The following SPOCK3 variants were observed in gnomAD, a reference collection of about 807,000 sequenced individuals.
The protein encoded by SPOCK3 is testican-3.
In SPOCK3, 30 loss-of-function variants were observed where a neutral mutation model predicts 56.6. The ratio of observed to expected loss-of-function variants is 0.53; its 90% CI spans 0.40 to 0.72. The LOEUF (loss-of-function observed/expected upper bound fraction) is 0.72. Among genes scored for constraint, SPOCK3 ranks in the 30% least tolerant of loss-of-function variants. The pLI is 0.00. For synonymous variants in SPOCK3, 196 were observed against 183.3 expected, an observed-to-expected ratio of 1.07 and a Z score of -0.56; for missense variants, 527 against 530.0, an observed-to-expected ratio of 0.99 and a Z score of 0.06.
chr4:166,895,070 T>C (rs1295241522), intron 5 of SPOCK3, among the ~76,000 whole-genome samples: 1 of 152,112 alleles, frequency 6.6e-6, no homozygotes, highest in African/African-American at 2.4e-5. Flanking sequence ...TTAATTAAAC[T>C]TTGTCATTCA....
At chr4:166,795,646 T>A (rs2126668758) in intron 6 of SPOCK3, among the ~76,000 whole-genome samples, 1 of 151,800 alleles carries the variant, frequency 6.6e-6, no homozygotes, top group South Asian at 2.1e-4. Flanking sequence ...ATTTGATAAA[T>A]ATAAAATTTA....
At chr4:166,932,187 A>T (rs1739864530) in intron 4 of SPOCK3, among the ~76,000 whole-genome samples, 1 of 152,190 alleles carries the variant, frequency 6.6e-6, no homozygotes, top group Non-Finnish European at 1.5e-5. Context: ...GTTCAGTAAG[A>T]CCACAGTTAA....
chr4:167,148,612 T>G (rs1253513412), intron 2 of SPOCK3, among the ~76,000 whole-genome samples: 1 of 152,154 alleles, frequency 6.6e-6, no homozygotes, highest in African/African-American at 2.4e-5. Flanking sequence ...CTGATATCTC[T>G]CTAAGCTTCC....
At chr4:166,899,298 C>CTATG (rs1735773078) in intron 5 of SPOCK3, among the ~76,000 whole-genome samples, 2 of 149,008 alleles carry the variant, frequency 1.3e-5, no homozygotes, top group Admixed American at 1.4e-4. Flanking sequence ...ATCTATCTAT[C>CTATG]TATGTACCCT....
intron 2 of SPOCK3, among the ~76,000 whole-genome samples, chr4:167,065,292 A>C (rs1318285026): frequency 6.6e-6 from 1 of 151,822 alleles, no homozygotes; most frequent in Non-Finnish European, 1.5e-5. Flanking sequence ...CACTGAAGTC[A>C]GATGATGTCA....
chr4:166,907,040 T>C (rs141999084), intron 5 of SPOCK3, among the ~76,000 whole-genome samples: 100 of 152,168 alleles, frequency 6.6e-4, no homozygotes, highest in African/African-American at 2.4e-3. Context: ...AAATGTTTGA[T>C]TTATATATAT....
intron 4 of SPOCK3, among the ~76,000 whole-genome samples, chr4:166,986,036 C>G (rs6823223): frequency 0.17 from 26,610 of 152,092 alleles, 2,548 homozygotes; most frequent in African/African-American, 0.25. Flanking sequence ...TCACTTCAAA[C>G]TTAACTCTTC....
chr4:167,164,462 T>C (rs1217122415), intron 2 of SPOCK3, among the ~76,000 whole-genome samples: 1 of 152,110 alleles, frequency 6.6e-6, no homozygotes, highest in East Asian at 1.9e-4. Context: ...TCAGGATACA[T>C]GTGCAGAATG....
intron 3 of SPOCK3, among the ~76,000 whole-genome samples, chr4:167,055,899 C>G (rs375508558): frequency 4.9e-4 from 74 of 152,264 alleles, no homozygotes; most frequent in Middle Eastern, 6.8e-3. Flanking sequence ...AAAGACAGCA[C>G]TAACCTCTGC....
chr4:167,105,766 C>A (rs915151248), intron 2 of SPOCK3, among the ~76,000 whole-genome samples: 4 of 151,362 alleles, frequency 2.6e-5, no homozygotes, highest in African/African-American at 9.7e-5. Context: ...CCTGTAAAGA[C>A]ACATATAGAT....
At chr4:166,799,569 G>C (rs1742325152) in intron 6 of SPOCK3, among the ~76,000 whole-genome samples, 1 of 152,222 alleles carries the variant, frequency 6.6e-6, no homozygotes, top group South Asian at 2.1e-4. Context: ...AATGGCATCA[G>C]GAAGAAGATA....
chr4:166,899,349 T>C (rs953277554), intron 5 of SPOCK3, among the ~76,000 whole-genome samples: 4 of 151,770 alleles, frequency 2.6e-5, no homozygotes, highest in Admixed American at 6.6e-5. Context: ...AAACCTTAAA[T>C]GCCTAAAGCT....
At chr4:166,961,809 G>A (rs1038866329) in intron 4 of SPOCK3, among the ~76,000 whole-genome samples, 7 of 152,094 alleles carry the variant, frequency 4.6e-5, no homozygotes, top group African/African-American at 1.7e-4. Context: ...CCTGGAGGAA[G>A]ACCAGTTGTT....
At chr4:167,202,503 G>A (rs1387396751) in intron 2 of SPOCK3, among the ~76,000 whole-genome samples, 3 of 151,676 alleles carry the variant, frequency 2.0e-5, no homozygotes, top group Non-Finnish European at 4.4e-5. Context: ...CTGGGATTGG[G>A]GCATTTGGGA....
At chr4:167,062,096 G>A (rs543806236) in intron 3 of SPOCK3, among the ~76,000 whole-genome samples, 39 of 151,846 alleles carry the variant, frequency 2.6e-4, no homozygotes, top group Non-Finnish European at 4.0e-4. Context: ...TAGTCTTAAA[G>A]GAAACCTTTT....
At chr4:166,978,319 A>G (rs1896479) in intron 4 of SPOCK3, among the ~76,000 whole-genome samples, 39,797 of 152,024 alleles carry the variant, frequency 0.26, 5,414 homozygotes, top group African/African-American at 0.33. Flanking sequence ...GAGATTGAGT[A>G]CAAGTAGGGA....
chr4:166,903,083 A>G (rs1736229921), intron 5 of SPOCK3, among the ~76,000 whole-genome samples: 1 of 147,428 alleles, frequency 6.8e-6, no homozygotes. Context: ...GTGCCCCTTT[A>G]TTTATATTTA....
intron 2 of SPOCK3, among the ~76,000 whole-genome samples, chr4:167,089,793 A>G (rs1758541999): frequency 6.6e-6 from 1 of 152,088 alleles, no homozygotes; most frequent in Non-Finnish European, 1.5e-5. Context: ...CCTTTATAGT[A>G]AATCCTCTAT....
chr4:167,117,473 C>T (rs941630654), intron 2 of SPOCK3, among the ~76,000 whole-genome samples: 1 of 152,130 alleles, frequency 6.6e-6, no homozygotes, highest in Non-Finnish European at 1.5e-5. Flanking sequence ...CTGCAACAGG[C>T]TGGCTCAGGC....
Sources: allele counts gnomAD v4.1 joint callset (sites outside exome capture counted in the v4.1 genomes callset), GRCh38; gene constraint gnomAD v4.1.1; transcripts MANE v1.5; gene names NCBI Gene and HGNC (gene_info 2026-07-23, HGNC 2026-07-21).